HDAC9: variants seen among roughly 807,000 people sequenced by gnomAD.
HDAC9 encodes MEF-2 interacting transcription repressor (MITR) protein.
HDAC9 carries 41 observed loss-of-function variants against 139.4 expected under a neutral mutation model. The ratio of observed to expected loss-of-function variants is 0.29; its 90% CI spans 0.23 to 0.38. The LOEUF is 0.38. Among genes scored for constraint, HDAC9 ranks in the 10% least tolerant of loss-of-function variants. The probability of loss-of-function intolerance (pLI) is 1.00; values close to 1 mark genes in which losing one functional copy is unlikely to be tolerated. For synonymous variants in HDAC9, 517 were observed against 476.2 expected (o/e 1.09, Z -1.12); for missense variants, 1,147 against 1,297.0 (o/e 0.88, Z 1.78).
chr7:18,386,858 A>T (rs901830872), intron 1 of HDAC9, among the ~76,000 whole-genome samples: 10 of 152,136 alleles, frequency 6.6e-5, no homozygotes, highest in Admixed American at 1.3e-4. Context: ...GTCTCTTGGG[A>T]TACACCACAT....
At chr7:18,659,043 C>T (rs954552033) in intron 11 of HDAC9, among the ~76,000 whole-genome samples, 4 of 151,910 alleles carry the variant, frequency 2.6e-5, no homozygotes, top group Non-Finnish European at 5.9e-5. Context: ...CATATTCAAA[C>T]ACTTGTATTT....
At chr7:18,312,368 C>A (rs142680598) in intron 1 of HDAC9, among the ~76,000 whole-genome samples, 1 of 152,182 alleles carries the variant, frequency 6.6e-6, no homozygotes, top group East Asian at 1.9e-4. Flanking sequence ...GTGTGAGTAT[C>A]TGTAGTAAAC....
intron 1 of HDAC9, among the ~76,000 whole-genome samples, chr7:18,312,707 A>G (rs1799396323): frequency 6.6e-6 from 1 of 152,140 alleles, no homozygotes. Flanking sequence ...GAATTAGGTC[A>G]GGTTTGTGTC....
intron 1 of HDAC9, among the ~76,000 whole-genome samples, chr7:18,488,605 C>T (rs1232563995): frequency 6.6e-6 from 1 of 151,910 alleles, no homozygotes; most frequent in East Asian, 1.9e-4. Context: ...AAAGATAGAG[C>T]ATGAAGACAT....
At chr7:18,391,368 G>T (rs1221735415) in intron 1 of HDAC9, among the ~76,000 whole-genome samples, 1 of 151,804 alleles carries the variant, frequency 6.6e-6, no homozygotes, top group Non-Finnish European at 1.5e-5. Context: ...CTGAGCGATG[G>T]AGCGAGACGC....
At chr7:18,732,997 G>T (rs551912694) in intron 13 of HDAC9, among the ~76,000 whole-genome samples, 1 of 141,406 alleles carries the variant, frequency 7.1e-6, no homozygotes, top group East Asian at 2.1e-4. Context: ...GTGTGTATGT[G>T]TATATACACA....
Position 18,784,208 on chromosome 7 carries a change from C to T in HDAC9, c.2215-9137C>T, listed in dbSNP as rs529578716. ...TCCAATACATATAAGACAATTAATC[C>T]CTTTAACACCAAGGAAATCCTCTCC... On this transcript the variant is annotated intron_variant, in intron 16 of 25. Coordinates refer to ENST00000686413, the MANE Select transcript of HDAC9 (RefSeq NM_178425.4). Among the ~76,000 whole-genome samples the T allele has an allele frequency of 2.0e-5, 3 of 151,848 alleles. No homozygotes were observed. The East Asian group carries it at 5.8e-4, about 29-fold the overall frequency.
At chr7:18,219,095 C>G (rs1401939735) in intron 2 of HDAC9, among the ~76,000 whole-genome samples, 9 of 151,976 alleles carry the variant, frequency 5.9e-5, no homozygotes, top group Non-Finnish European at 1.3e-4. Flanking sequence ...ATATAAAGAG[C>G]CTGATAAGGA....
chr7:18,616,696 G>A (rs1037944704), intron 6 of HDAC9, among the ~76,000 whole-genome samples: 3 of 152,120 alleles, frequency 2.0e-5, no homozygotes, highest in African/African-American at 7.2e-5. Context: ...AATAACAGAT[G>A]CCCAGGTGAC....
At chr7:18,479,602 ACTTTT>A (rs1795383622) in intron 1 of HDAC9, among the ~76,000 whole-genome samples, 1 of 152,122 alleles carries the variant, frequency 6.6e-6, no homozygotes, top group South Asian at 2.1e-4. Context: ...CAAAATTATG[ACTTTT>A]CTTGGAATTT....
chr7:18,676,806 C>T (rs1156713085), intron 12 of HDAC9, among the ~76,000 whole-genome samples: 4 of 151,550 alleles, frequency 2.6e-5, no homozygotes, highest in Non-Finnish European at 5.9e-5. Context: ...TAACCTTTTT[C>T]TGGATATGGA....
At chr7:18,918,238 A>G (rs1859663) in intron 22 of HDAC9, among the ~76,000 whole-genome samples, 151,573 of 151,848 alleles carry the variant, frequency 1, 75,650 homozygotes, top group Middle Eastern at 1. Flanking sequence ...CTGATGAACC[A>G]TGTTTGCAGA....
At chr7:18,613,560 C>G (rs1837755446) in intron 6 of HDAC9, among the ~76,000 whole-genome samples, 1 of 152,036 alleles carries the variant, frequency 6.6e-6, no homozygotes, top group South Asian at 2.1e-4. Context: ...TAGAAAAAAA[C>G]AAAAATTCAT....
chr7:18,244,212 T>C (rs1163889535), intron 2 of HDAC9, among the ~76,000 whole-genome samples: 3 of 152,054 alleles, frequency 2.0e-5, no homozygotes, highest in Admixed American at 6.5e-5. Context: ...GGGGTGGGGA[T>C]GGGATTCTTT....
chr7:18,156,086 G>A (rs1034476737), intron 1 of HDAC9, among the ~76,000 whole-genome samples: 13 of 152,110 alleles, frequency 8.5e-5, no homozygotes, highest in African/African-American at 3.1e-4. Context: ...GAAGGGAAAC[G>A]AGTATCCTTA....
intron 1 of HDAC9, among the ~76,000 whole-genome samples, chr7:18,466,824 C>G (rs1451830365): frequency 6.6e-6 from 1 of 152,220 alleles, no homozygotes; most frequent in Non-Finnish European, 1.5e-5. Context: ...GGTCTGCCCA[C>G]TGCCATGCAC....
chr7:18,929,988 C>G (rs1357927586), intron 22 of HDAC9, among the ~76,000 whole-genome samples: 5 of 152,000 alleles, frequency 3.3e-5, no homozygotes, highest in African/African-American at 4.8e-5. Flanking sequence ...AAACCAACAC[C>G]TATAAAGTAT....
intron 17 of HDAC9, among the ~76,000 whole-genome samples, chr7:18,810,066 A>C (rs1012644094): frequency 2.6e-5 from 4 of 151,974 alleles, no homozygotes; most frequent in Non-Finnish European, 1.5e-5. Context: ...TGCCATTTTC[A>C]ACAACGTGGA....
intron 2 of HDAC9, among the ~76,000 whole-genome samples, chr7:18,260,856 A>C (rs538690803): frequency 1.2e-4 from 19 of 152,296 alleles, no homozygotes; most frequent in African/African-American, 4.6e-4. Context: ...CTGGAAACTG[A>C]CTTTGGTGGA....
Sources: allele counts gnomAD v4.1 joint callset (sites outside exome capture counted in the v4.1 genomes callset), GRCh38; gene constraint gnomAD v4.1.1; transcripts MANE v1.5; gene names NCBI Gene and HGNC (gene_info 2026-07-23, HGNC 2026-07-21).